Variants in ATP10B observed in about 807,000 individuals in gnomAD.
ATP10B encodes the protein phospholipid-transporting ATPase VB.
ATP10B carries 122 observed loss-of-function variants against 141.2 expected under a neutral mutation model. The ratio of observed to expected loss-of-function variants is 0.86; its 90% CI spans 0.75 to 1.00. The LOEUF (loss-of-function observed/expected upper bound fraction) is 1.00, where lower values mean the gene tolerates loss of function less well. ATP10B is among the 50% of genes least tolerant of loss of function. The probability of loss-of-function intolerance (pLI) is 0.00; values close to 1 mark genes in which losing one functional copy is unlikely to be tolerated. For missense variants in ATP10B, 1,876 were observed against 1,825.3 expected, an observed-to-expected ratio of 1.03 and a Z score of -0.51; for synonymous variants, 685 against 692.0, an observed-to-expected ratio of 0.99 and a Z score of 0.16.
At chr5:160,657,508 G>C (rs1262051505) in intron 7 of ATP10B, among the ~76,000 whole-genome samples, 2 of 152,192 alleles carry the variant, frequency 1.3e-5, no homozygotes, top group Non-Finnish European at 2.9e-5. Flanking sequence ...GGCAGATTGG[G>C]CTGGAGGGCT....
At chr5:160,883,162 C>T in the ATP10B span, among the ~76,000 whole-genome samples, 2 of 152,134 alleles carry the variant, frequency 1.3e-5, no homozygotes, top group Non-Finnish European at 2.9e-5. Flanking sequence ...TAGAAAACAT[C>T]GCTTAAGAAT....
At chr5:160,892,157 C>G in the ATP10B span, among the ~76,000 whole-genome samples, 1 of 152,148 alleles carries the variant, frequency 6.6e-6, no homozygotes, top group African/African-American at 2.4e-5. Context: ...TTAAACCTTC[C>G]TATGGCTTTT....
chr5:160,886,962 C>T, the ATP10B span, among the ~76,000 whole-genome samples: 10 of 152,292 alleles, frequency 6.6e-5, no homozygotes, highest in Middle Eastern at 3.4e-3. Flanking sequence ...GAAATGTATT[C>T]CTGGGTAATC....
At chr5:160,772,551 A>G (rs1769983692) in intron 2 of ATP10B, among the ~76,000 whole-genome samples, 1 of 152,186 alleles carries the variant, frequency 6.6e-6, no homozygotes, top group Admixed American at 6.5e-5. Flanking sequence ...TTTTGGGATG[A>G]AACTGTTCCA....
chr5:160,919,718 T>G, the ATP10B span, among the ~76,000 whole-genome samples: 2 of 152,138 alleles, frequency 1.3e-5, no homozygotes, highest in Non-Finnish European at 2.9e-5. Flanking sequence ...GGGAATCCAC[T>G]CTACAGTGGC....
At chr5:160,857,435 G>T in the ATP10B span, among the ~76,000 whole-genome samples, 20 of 151,652 alleles carry the variant, frequency 1.3e-4, no homozygotes, top group East Asian at 2.7e-3. Context: ...TGTCAGTCTT[G>T]CTGGAGGTCT....
chr5:160,898,813 C>T, the ATP10B span, among the ~76,000 whole-genome samples: 1 of 152,078 alleles, frequency 6.6e-6, no homozygotes, highest in Non-Finnish European at 1.5e-5. Flanking sequence ...TACCATGCAG[C>T]CATAAAAAAG....
Position 160,673,200 on chromosome 5 carries a change from G to A in ATP10B, c.471-2533C>T, listed in dbSNP as rs10051961. 2.2e-3 allele frequency among the ~76,000 whole-genome samples: 342 copies of A among 152,300 alleles called. 1 individual carries two copies. The highest frequency in any genetic ancestry group is 7.8e-3 in the African/African-American group (326 of 41,552). ...TAATAATTCCTCCTTACATGTGAAA[G>A]CACATAACAGGTTTCCAAGCACCTT... is the stretch of plus-strand genomic sequence containing the variant. On this transcript the variant is annotated intron_variant, in intron 6 of 25. Coordinates refer to ENST00000327245, the MANE Select transcript of ATP10B (RefSeq NM_025153.3).
the ATP10B span, among the ~76,000 whole-genome samples, chr5:160,889,454 G>T: frequency 6.6e-6 from 1 of 152,126 alleles, no homozygotes; most frequent in South Asian, 2.1e-4. Context: ...ACTCCCCAAA[G>T]AACTGATCAG....
At chr5:160,728,468 CA>C (rs963747578) in intron 2 of ATP10B, among the ~76,000 whole-genome samples, 2 of 152,178 alleles carry the variant, frequency 1.3e-5, no homozygotes, top group African/African-American at 4.8e-5. Flanking sequence ...CGGGTGGCAA[CA>C]CTGTGTATGT....
At chr5:160,618,275 C>T (rs1015862965) in intron 15 of ATP10B, among the ~76,000 whole-genome samples, 5 of 152,198 alleles carry the variant, frequency 3.3e-5, no homozygotes, top group African/African-American at 4.8e-5. Flanking sequence ...GCATGAGAAC[C>T]GCCTGGGAAT....
At chr5:160,589,156 C>A (rs149359912) in intron 24 of ATP10B, among the ~76,000 whole-genome samples, 3 of 152,024 alleles carry the variant, frequency 2.0e-5, no homozygotes, top group African/African-American at 2.4e-5. Context: ...TGACCACAGG[C>A]GCCTGCTACC....
the ATP10B span, among the ~76,000 whole-genome samples, chr5:160,858,082 G>A: frequency 6.6e-6 from 1 of 151,582 alleles, no homozygotes; most frequent in Non-Finnish European, 1.5e-5. Flanking sequence ...TGAGAGTGGG[G>A]TATTGTGGAA....
chr5:160,646,599 C>G (rs1358579668), intron 8 of ATP10B, among the ~76,000 whole-genome samples: 2 of 152,098 alleles, frequency 1.3e-5, no homozygotes, highest in African/African-American at 4.8e-5. Flanking sequence ...CAGGACCCAC[C>G]ATTGCTCCTT....
chr5:160,831,843 A>T (rs1775101990), intron 1 of ATP10B, among the ~76,000 whole-genome samples: 1 of 152,152 alleles, frequency 6.6e-6, no homozygotes, highest in African/African-American at 2.4e-5. Context: ...CTTGATCAAG[A>T]TGTGTGGAAA....
chr5:160,620,821 C>G lies in ATP10B; in HGVS notation c.1942G>C (p.Gly648Arg). ...GCCACGTTGGCCCCTAAGCTCTCCC[C>G]GAGGTCTGTGTCAGAGGGTGCAGTG... ...SSTAPSDTDLGESLGANVATT... is the reference protein window; with the variant it reads ...SSTAPSDTDLRESLGANVATT... The change falls in exon 15 of 26, where the codon GGG (glycine) becomes CGG (arginine). Residue 648 changes from glycine (G) to arginine (R), a missense_variant. Physicochemically the swap from Gly to Arg is moderately radical, Grantham distance 125 (BLOSUM62 -2). Coordinates refer to ENST00000327245, the MANE Select transcript of ATP10B (RefSeq NM_025153.3). 1.9e-6 allele frequency: 3 copies of G among 1,614,152 alleles called. No homozygotes were observed. The highest frequency in any genetic ancestry group is 2.5e-6 in the Non-Finnish European group (3 of 1,180,034).
intron 11 of ATP10B, among the ~76,000 whole-genome samples, chr5:160,635,192 T>C (rs989427904): frequency 2.8e-5 from 4 of 143,346 alleles, no homozygotes; most frequent in African/African-American, 7.3e-5. Flanking sequence ...TTGTAAACCA[T>C]GACCTTTGAA....
Position 160,565,394 on chromosome 5 carries a change from G to C in ATP10B, c.*59C>G. 6.5e-7 allele frequency: 1 copy of C among 1,528,440 alleles called. No individual in the cohort carries two copies. Among genetic ancestry groups the C allele is most frequent in the Non-Finnish European group, 9.0e-7 (1 of 1,110,694 alleles). The allele number at this position is 1,528,440 out of a possible 1,614,324, so 94.7% of individuals were successfully genotyped here. ...CTCTATGAAGAAGAAGGGGTCAAGG[G>C]TTATGTGGACCAGTGACTAGGTGGC... On this transcript the variant is annotated 3_prime_UTR_variant, in exon 26 of 26. Coordinates refer to ENST00000327245, the MANE Select transcript of ATP10B (RefSeq NM_025153.3).
chr5:160,755,456 T>G (rs1768458110), intron 2 of ATP10B, among the ~76,000 whole-genome samples: 2 of 152,146 alleles, frequency 1.3e-5, no homozygotes, highest in Admixed American at 1.3e-4. Flanking sequence ...ATTACACACC[T>G]AGGCTATATT....
Sources: allele counts gnomAD v4.1 joint callset (sites outside exome capture counted in the v4.1 genomes callset), GRCh38; gene constraint gnomAD v4.1.1; transcripts MANE v1.5; gene names NCBI Gene and HGNC (gene_info 2026-07-23, HGNC 2026-07-21).